Variants in GPR137C observed in about 807,000 individuals in gnomAD.
GPR137C encodes G protein-coupled receptor 137C.
Under a neutral mutation model 43.4 loss-of-function variants are expected in GPR137C, and 27 were observed. The ratio of observed to expected loss-of-function variants is 0.62; its 90% CI spans 0.46 to 0.86. The LOEUF is 0.86. Among genes scored for constraint, GPR137C ranks in the 40% least tolerant of loss-of-function variants. The probability of loss-of-function intolerance (pLI) is 0.00; values close to 1 mark genes in which losing one functional copy is unlikely to be tolerated. For synonymous variants in GPR137C, 285 were observed against 226.9 expected (o/e 1.26, Z -2.30); for missense variants, 522 against 534.6 (o/e 0.98, Z 0.23).
intron 1 of GPR137C, among the ~76,000 whole-genome samples, chr14:52,589,311 T>C (rs1230522025): frequency 6.6e-6 from 1 of 152,110 alleles, no homozygotes; most frequent in Non-Finnish European, 1.5e-5. Context: ...TGGATAAAGG[T>C]GATGGTTGCA....
chr14:52,629,286 G>A (rs1387585193), intron 3 of GPR137C, among the ~76,000 whole-genome samples: 1 of 152,086 alleles, frequency 6.6e-6, no homozygotes, highest in Non-Finnish European at 1.5e-5. Flanking sequence ...CCCAAAAGAG[G>A]TGAAAACATA....
chr14:52,553,710 C>A, intron 1 of GPR137C, 119 bp downstream of exon 1: 2 of 817,234 alleles, frequency 2.4e-6, no homozygotes, highest in Non-Finnish European at 3.7e-6. Flanking sequence ...TGGAAACCAG[C>A]CTGGGGAAAC....
Position 52,572,568 on chromosome 14 carries a change from C to G in GPR137C, c.444+18977C>G, listed in dbSNP as rs116090207. Reference sequence around the variant, plus strand: ...AACACCCCTTCAAGCTAAAGATTCTCAATAAACTAGGTATTGTTGGAATAC... The same window carrying G: ...AACACCCCTTCAAGCTAAAGATTCTGAATAAACTAGGTATTGTTGGAATAC... On this transcript the variant is annotated intron_variant, in intron 1 of 6. Coordinates refer to ENST00000321662, the MANE Select transcript of GPR137C (RefSeq NM_001099652.2). 6.2e-3 allele frequency among the ~76,000 whole-genome samples: 942 copies of G among 152,282 alleles called. 11 individuals carry two copies. The highest frequency in any genetic ancestry group is 0.02 in the African/African-American group (835 of 41,562).
intron 1 of GPR137C, among the ~76,000 whole-genome samples, chr14:52,583,774 T>A (rs200071918): frequency 0.1 from 15,824 of 152,144 alleles, 1,120 homozygotes; most frequent in East Asian, 0.36. Context: ...TTCTTCCTTC[T>A]TCCCTGGTTT....
intron 1 of GPR137C, among the ~76,000 whole-genome samples, chr14:52,579,529 A>G (rs1185695462): frequency 6.6e-6 from 1 of 152,182 alleles, no homozygotes; most frequent in East Asian, 1.9e-4. Context: ...CTTGGGATTC[A>G]TCTTTCTTGG....
intron 3 of GPR137C, among the ~76,000 whole-genome samples, chr14:52,607,029 A>C (rs1223511743): frequency 6.6e-6 from 1 of 152,100 alleles, no homozygotes; most frequent in African/African-American, 2.4e-5. Flanking sequence ...AATTTCCTTA[A>C]CTTATTCGTT....
At chr14:52,568,184 C>T (rs1039573116) in intron 1 of GPR137C, among the ~76,000 whole-genome samples, 24 of 152,140 alleles carry the variant, frequency 1.6e-4, no homozygotes, top group Non-Finnish European at 3.2e-4. Context: ...CGTCACCTCA[C>T]CCGGGAAGCC....
At chr14:52,577,205 A>G (rs1259765310) in intron 1 of GPR137C, among the ~76,000 whole-genome samples, 1 of 150,012 alleles carries the variant, frequency 6.7e-6, no homozygotes, top group Non-Finnish European at 1.5e-5. Flanking sequence ...AAAAAAAAAA[A>G]AAAAAAAAGA....
chr14:52,618,240 G>A (rs757047964), intron 3 of GPR137C, among the ~76,000 whole-genome samples: 13 of 152,162 alleles, frequency 8.5e-5, no homozygotes, highest in Non-Finnish European at 1.3e-4. Context: ...TACTACTTAA[G>A]TAGTTTTTCT....
intron 1 of GPR137C, among the ~76,000 whole-genome samples, chr14:52,583,672 T>A (rs1200960671): frequency 1.3e-5 from 2 of 152,208 alleles, no homozygotes; most frequent in Non-Finnish European, 2.9e-5. Flanking sequence ...CTTACTAATA[T>A]TATACCATCA....
At chr14:52,612,265 T>A (rs1566621282) in intron 3 of GPR137C, 14 of 959,264 alleles carry the variant, frequency 1.5e-5, no homozygotes, top group Non-Finnish European at 1.6e-5. Context: ...AATATAATTT[T>A]ATACCCTGCT....
intron 1 of GPR137C, among the ~76,000 whole-genome samples, chr14:52,558,073 T>A (rs1487615750): frequency 6.6e-6 from 1 of 150,710 alleles, no homozygotes; most frequent in African/African-American, 2.5e-5. Flanking sequence ...CAGTGCATAA[T>A]TGGGCTGGCA....
intron 3 of GPR137C, 78 bp downstream of exon 3, chr14:52,600,419 T>C: frequency 2.8e-6 from 2 of 717,134 alleles, no homozygotes; most frequent in Non-Finnish European, 4.6e-6. Context: ...TAATGGAAAG[T>C]TTATATTGCT....
At position 52,637,603 on chromosome 14, in the gene GPR137C, G is replaced by T. The variant is rs2039367655; in HGVS notation, c.*2488G>T. 1 of 152,054 alleles carries T rather than the reference G, an allele frequency of 6.6e-6. No individual in the cohort carries two copies. The highest frequency in any genetic ancestry group is 2.4e-5 in the African/African-American group (1 of 41,404). The allele number at this position is 152,054 out of a possible 1,614,324, so 9.4% of individuals were successfully genotyped here. A position where few individuals can be genotyped will look rare whatever the true frequency, so the allele number is the denominator to read the frequency against. On this transcript the variant is annotated 3_prime_UTR_variant, in exon 7 of 7. Coordinates refer to ENST00000321662, the MANE Select transcript of GPR137C (RefSeq NM_001099652.2). ...ACAGTGTTTCTCAGCTATATAATCA[G>T]TTTCAAACTGGTTGTAAAAGTATAG... is the stretch of plus-strand genomic sequence containing the variant.
chr14:52,553,465 C>T lies in GPR137C; in HGVS notation c.318C>T (p.Leu106=). The T allele has an allele frequency of 1.2e-6, 2 of 1,608,956 alleles. No individual in the cohort carries two copies. Among genetic ancestry groups the T allele is most frequent in the Non-Finnish European group, 1.7e-6 (2 of 1,179,788 alleles). ...RTTLFSAAFS[L]SGSLPLLRPP... is the part of the protein sequence containing the mutation. ...CCCTCTTCTCCGCCGCCTTCTCGCT[C>T]AGCGGCTCCCTGCCCTTGCTCCGGC... Residue 106 remains leucine, a synonymous_variant, in exon 1 of 7, where the codon CTC becomes CTT. Coordinates refer to ENST00000321662, the MANE Select transcript of GPR137C (RefSeq NM_001099652.2).
In GPR137C at chr14:52,620,973, A is replaced by G. The variant is rs75569617; in HGVS notation, c.718-11187A>G. Reference sequence around the variant, plus strand: ...ATCCCCAAAGGGAAAGAGGAAGAACATGAAGTTGGAAAAAATATTTGAAAA... The same window carrying G: ...ATCCCCAAAGGGAAAGAGGAAGAACGTGAAGTTGGAAAAAATATTTGAAAA... On this transcript the variant is annotated intron_variant, in intron 3 of 6. Coordinates refer to ENST00000321662, the MANE Select transcript of GPR137C (RefSeq NM_001099652.2). Among the ~76,000 whole-genome samples the G allele has an allele frequency of 4.2e-3, 640 of 151,992 alleles. 10 individuals carry two copies. The highest frequency in any genetic ancestry group is 0.035 in the Admixed American group (528 of 15,248).
At chr14:52,586,479 G>A (rs1004496654) in intron 1 of GPR137C, among the ~76,000 whole-genome samples, 1 of 151,990 alleles carries the variant, frequency 6.6e-6, no homozygotes, top group African/African-American at 2.4e-5. Context: ...CATTTCTGAC[G>A]TTTTGCAGAA....
At chr14:52,569,222 A>T (rs1215776335) in intron 1 of GPR137C, among the ~76,000 whole-genome samples, 4 of 152,140 alleles carry the variant, frequency 2.6e-5, no homozygotes, top group East Asian at 1.9e-4. Context: ...GAAAACTAAC[A>T]AACAGAAAGG....
chr14:52,603,406 T>C (rs1051927019), intron 3 of GPR137C, among the ~76,000 whole-genome samples: 2 of 152,208 alleles, frequency 1.3e-5, no homozygotes, highest in African/African-American at 4.8e-5. Flanking sequence ...ACAATAAATA[T>C]GGGAGTGCAC....
Sources: gnomAD v4.1 joint callset for allele counts (sites outside exome capture counted in the v4.1 genomes callset) on GRCh38, gnomAD v4.1.1 for gene constraint, MANE v1.5 for transcripts, NCBI Gene and HGNC (gene_info 2026-07-23, HGNC 2026-07-21) for gene names.